The following ERC2 variants were observed in gnomAD, a reference collection of about 807,000 sequenced individuals.
ERC2 encodes ELKS/RAB6-interacting/CAST family member 2.
A neutral mutation model predicts 114.8 loss-of-function variants in ERC2; 42 were observed. That is an observed-to-expected ratio of 0.37 (90% CI 0.29 to 0.47). The LOEUF is 0.47. Among genes scored for constraint, ERC2 ranks in the 20% least tolerant of loss-of-function variants. ERC2 has a pLI of 0.99. For synonymous variants in ERC2, 454 were observed against 425.5 expected, an observed-to-expected ratio of 1.07 and a Z score of -0.82; for missense variants, 939 against 1,150.7, an observed-to-expected ratio of 0.82 and a Z score of 2.66.
At chr3:56,443,182 G>GT (rs1559509575) in intron 1 of ERC2, among the ~76,000 whole-genome samples, 1 of 152,222 alleles carries the variant, frequency 6.6e-6, no homozygotes, top group Non-Finnish European at 1.5e-5. Context: ...ACAGGCTGCA[G>GT]TAAGAGGCTG....
intron 4 of ERC2, among the ~76,000 whole-genome samples, chr3:56,162,437 A>G (rs2082097369): frequency 6.6e-6 from 1 of 152,160 alleles, no homozygotes; most frequent in Admixed American, 6.6e-5. Context: ...TTTTTGCTAT[A>G]GTTCCAGTAA....
chr3:55,526,328 A>G (rs146285597), intron 17 of ERC2, among the ~76,000 whole-genome samples: 1 of 152,302 alleles, frequency 6.6e-6, no homozygotes, highest in East Asian at 1.9e-4. Context: ...CAGAACCCCT[A>G]GGAAACTAAT....
At chr3:55,745,934 T>C (rs1323843038) in intron 14 of ERC2, among the ~76,000 whole-genome samples, 2 of 152,242 alleles carry the variant, frequency 1.3e-5, no homozygotes, top group African/African-American at 4.8e-5. Flanking sequence ...TATGTTTTAA[T>C]TTCGCCTCTA....
At chr3:56,399,913 C>T (rs1212988857) in intron 2 of ERC2, among the ~76,000 whole-genome samples, 1 of 152,088 alleles carries the variant, frequency 6.6e-6, no homozygotes, top group Non-Finnish European at 1.5e-5. Flanking sequence ...GACAAACAAT[C>T]TGGTCTCTTC....
At chr3:56,390,325 T>C (rs912438008) in intron 2 of ERC2, among the ~76,000 whole-genome samples, 2 of 152,194 alleles carry the variant, frequency 1.3e-5, no homozygotes, top group Non-Finnish European at 1.5e-5. Flanking sequence ...CTTATTTCTA[T>C]ACCAAAAATA....
At chr3:55,699,016 G>T (rs993569091) in intron 16 of ERC2, among the ~76,000 whole-genome samples, 10 of 152,106 alleles carry the variant, frequency 6.6e-5, no homozygotes, top group African/African-American at 2.4e-4. Context: ...CGAACTCAAG[G>T]CTTCTCTGGT....
At chr3:56,385,359 T>C (rs116791281) in intron 2 of ERC2, among the ~76,000 whole-genome samples, 1 of 152,080 alleles carries the variant, frequency 6.6e-6, no homozygotes, top group Admixed American at 6.6e-5. Context: ...GGCTCTGCTG[T>C]CATAATCCAA....
At chr3:56,012,174 A>G (rs572867937) in intron 8 of ERC2, among the ~76,000 whole-genome samples, 15 of 152,114 alleles carry the variant, frequency 9.9e-5, no homozygotes, top group Non-Finnish European at 2.1e-4. Flanking sequence ...TACATGGTCA[A>G]TCTCTCAAGG....
intron 7 of ERC2, among the ~76,000 whole-genome samples, chr3:56,060,074 A>G (rs1027402024): frequency 2.6e-5 from 4 of 152,218 alleles, no homozygotes; most frequent in Non-Finnish European, 5.9e-5. Flanking sequence ...TTCATTTTAT[A>G]ACTGTATCAA....
intron 6 of ERC2, among the ~76,000 whole-genome samples, chr3:56,129,584 C>T (rs1442227976): frequency 6.6e-6 from 1 of 152,110 alleles, no homozygotes. Context: ...ACAGACATGA[C>T]AGAAATACAT....
At chr3:55,592,361 C>T (rs1388056618) in intron 17 of ERC2, among the ~76,000 whole-genome samples, 2 of 152,142 alleles carry the variant, frequency 1.3e-5, no homozygotes, top group African/African-American at 4.8e-5. Flanking sequence ...TAGGCCAATC[C>T]CTTCAGCCTT....
chr3:55,763,989 T>A (rs1395293177), intron 14 of ERC2, among the ~76,000 whole-genome samples: 1 of 152,228 alleles, frequency 6.6e-6, no homozygotes, highest in Non-Finnish European at 1.5e-5. Context: ...CTAACTCTCA[T>A]GCAGACCTAC....
intron 14 of ERC2, among the ~76,000 whole-genome samples, chr3:55,793,404 G>A (rs1030035476): frequency 4.6e-5 from 7 of 152,152 alleles, no homozygotes; most frequent in Non-Finnish European, 1.0e-4. Flanking sequence ...ATTACAGAAT[G>A]TCTGTGACTT....
At chr3:56,169,381 C>T (rs2082499343) in intron 4 of ERC2, among the ~76,000 whole-genome samples, 1 of 152,186 alleles carries the variant, frequency 6.6e-6, no homozygotes, top group Non-Finnish European at 1.5e-5. Flanking sequence ...TCAGCTTCAG[C>T]TGCTAAGTTT....
intron 3 of ERC2, among the ~76,000 whole-genome samples, chr3:56,252,082 G>T (rs770241057): frequency 6.6e-6 from 1 of 152,138 alleles, no homozygotes; most frequent in Admixed American, 6.5e-5. Flanking sequence ...AGGCTGTAAG[G>T]TGCTCCCCCT....
chr3:55,704,043 C>G (rs553552010), intron 15 of ERC2, among the ~76,000 whole-genome samples: 2 of 152,084 alleles, frequency 1.3e-5, no homozygotes, highest in Non-Finnish European at 2.9e-5. Flanking sequence ...GGAGCAGGAG[C>G]CTTTAGAAAA....
chr3:55,728,662 GA>G (rs1005202921), intron 15 of ERC2, among the ~76,000 whole-genome samples: 1 of 152,174 alleles, frequency 6.6e-6, no homozygotes, highest in African/African-American at 2.4e-5. Context: ...ACTGAAGTTT[GA>G]AAACAGCTGG....
chr3:56,113,734 C>T (rs2079083117), intron 6 of ERC2, among the ~76,000 whole-genome samples: 1 of 152,152 alleles, frequency 6.6e-6, no homozygotes, highest in Non-Finnish European at 1.5e-5. Context: ...CAAGACTGCC[C>T]CCCACCCTCC....
chr3:56,211,099 G>C (rs1363260352), intron 3 of ERC2, among the ~76,000 whole-genome samples: 1 of 152,078 alleles, frequency 6.6e-6, no homozygotes, highest in Non-Finnish European at 1.5e-5. Context: ...TTTTCAGCCA[G>C]AGCAATCATA....
Sources: allele counts gnomAD v4.1 joint callset (sites outside exome capture counted in the v4.1 genomes callset), GRCh38; gene constraint gnomAD v4.1.1; transcripts MANE v1.5; gene names NCBI Gene and HGNC (gene_info 2026-07-23, HGNC 2026-07-21).